SLIT3: variants seen among roughly 807,000 people sequenced by gnomAD.
The protein encoded by SLIT3 is slit homolog 3 protein.
A neutral mutation model predicts 184.0 loss-of-function variants in SLIT3; 68 were observed. That is an observed-to-expected ratio of 0.37 (90% confidence interval 0.30 to 0.45). The LOEUF (loss-of-function observed/expected upper bound fraction) is 0.45, where lower values mean the gene tolerates loss of function less well. Among genes scored for constraint, SLIT3 ranks in the 20% least tolerant of loss-of-function variants. The pLI is 1.00. For synonymous variants in SLIT3, 831 were observed against 828.6 expected (o/e 1.00, Z -0.05); for missense variants, 1,707 against 2,026.0 (o/e 0.84, Z 3.02).
intron 15 of SLIT3, among the ~76,000 whole-genome samples, chr5:168,761,941 G>C (rs1372761902): frequency 9.9e-6 from 1 of 101,490 alleles, no homozygotes; most frequent in Non-Finnish European, 2.1e-5. Flanking sequence ...TTTTTTTGTA[G>C]AGACTGGGGT....
intron 5 of SLIT3, among the ~76,000 whole-genome samples, chr5:168,852,734 T>C (rs1477118294): frequency 6.6e-6 from 1 of 152,230 alleles, no homozygotes; most frequent in African/African-American, 2.4e-5. Flanking sequence ...TGGCTACCTG[T>C]TTTTTTCTTA....
intron 4 of SLIT3, among the ~76,000 whole-genome samples, chr5:169,014,414 G>A (rs552994902): frequency 6.6e-6 from 1 of 152,176 alleles, no homozygotes; most frequent in African/African-American, 2.4e-5. Flanking sequence ...AAGTACTGGT[G>A]GGGGAGAGGA....
chr5:169,182,463 G>C (rs554600204), intron 4 of SLIT3, among the ~76,000 whole-genome samples: 1 of 152,202 alleles, frequency 6.6e-6, no homozygotes, highest in African/African-American at 2.4e-5. Flanking sequence ...AAGATACTGA[G>C]TCCATAGGAA....
chr5:168,965,553 G>A (rs1561578214), intron 4 of SLIT3, among the ~76,000 whole-genome samples: 1 of 152,174 alleles, frequency 6.6e-6, no homozygotes, highest in Non-Finnish European at 1.5e-5. Flanking sequence ...GAAAATATGA[G>A]TTCTGCCTAC....
At chr5:168,793,535 A>G (rs563000130) in intron 10 of SLIT3, among the ~76,000 whole-genome samples, 16 of 152,330 alleles carry the variant, frequency 1.1e-4, no homozygotes, top group African/African-American at 3.8e-4. Flanking sequence ...CAGTAGCATC[A>G]TAAGTGATCA....
chr5:168,664,546 T>C lies in SLIT3; in HGVS notation c.*1908A>G, dbSNP rs534570578. ...CTTCCTTCTTCCAGTTGCCTCGTTTTCCTCCATCTTCCTTTCTTTTCTTTC... is the reference window on the plus strand; with the variant it reads ...CTTCCTTCTTCCAGTTGCCTCGTTTCCCTCCATCTTCCTTTCTTTTCTTTC... On this transcript the variant is annotated 3_prime_UTR_variant, in exon 36 of 36. Transcript: ENST00000519560. 6.6e-6 allele frequency: 1 copy of C among 152,360 alleles called. No individual in the cohort carries two copies. Among genetic ancestry groups the C allele is most frequent in the Non-Finnish European group, 1.5e-5 (1 of 68,070 alleles). 9.4% of individuals were successfully genotyped at this position (152,360 alleles called of 1,614,324 possible). A position where few individuals can be genotyped will look rare whatever the true frequency, so the allele number is the denominator to read the frequency against.
At chr5:168,838,644 C>A (rs1758136709) in intron 6 of SLIT3, among the ~76,000 whole-genome samples, 1 of 152,146 alleles carries the variant, frequency 6.6e-6, no homozygotes, top group African/African-American at 2.4e-5. Context: ...TATCCTAACA[C>A]CCTGTACCAG....
intron 12 of SLIT3, among the ~76,000 whole-genome samples, chr5:168,776,724 G>A (rs1014381836): frequency 3.9e-5 from 6 of 152,158 alleles, no homozygotes; most frequent in African/African-American, 1.4e-4. Flanking sequence ...CATTTTGGGG[G>A]CATTTGAAGG....
At chr5:168,902,615 T>A (rs1233459140) in intron 4 of SLIT3, among the ~76,000 whole-genome samples, 1 of 152,174 alleles carries the variant, frequency 6.6e-6, no homozygotes, top group African/African-American at 2.4e-5. Context: ...TGGGAACTTG[T>A]TAGAAATGGG....
chr5:169,059,824 G>GT (rs1329765200), intron 4 of SLIT3, among the ~76,000 whole-genome samples: 4 of 152,222 alleles, frequency 2.6e-5, no homozygotes, highest in Non-Finnish European at 5.9e-5. Context: ...TGGTCTGAAT[G>GT]TTTGAGTTCC....
intron 4 of SLIT3, among the ~76,000 whole-genome samples, chr5:168,994,382 T>A (rs1282476346): frequency 6.6e-6 from 1 of 152,068 alleles, no homozygotes; most frequent in African/African-American, 2.4e-5. Context: ...ACATTTATTT[T>A]CCACACTTTT....
chr5:169,246,063 C>T lies in SLIT3; in HGVS notation c.270-1287G>A, dbSNP rs190238570. On this transcript the variant is annotated intron_variant, in intron 2 of 35. Coordinates refer to ENST00000519560, the MANE Select transcript of SLIT3 (RefSeq NM_003062.4). ...GACAGGTAACTGTTTCGTTTGGGCT[C>T]GATGATATTTTACATTTTTGTGAAT... Among the ~76,000 whole-genome samples the T allele has an allele frequency of 2.0e-5, 3 of 152,218 alleles. No homozygotes were observed. The East Asian group carries it at 5.8e-4, about 29-fold the overall frequency.
intron 4 of SLIT3, among the ~76,000 whole-genome samples, chr5:168,962,761 G>A (rs1011283573): frequency 3.0e-4 from 34 of 113,586 alleles, no homozygotes; most frequent in African/African-American, 1.4e-3. Context: ...AAAGGTGGGC[G>A]CAGTGGCTGC....
In SLIT3 at chr5:169,072,062, C is replaced by T. The variant is rs59538901; in HGVS notation, c.413+121417G>A. Among the ~76,000 whole-genome samples, 212 of 152,182 alleles carry T rather than the reference C, an allele frequency of 1.4e-3. 6 individuals carry two copies. In the East Asian group the frequency reaches 0.038, roughly 27 times the overall value. On this transcript the variant is annotated intron_variant, in intron 4 of 35. Transcript: ENST00000519560. ...AGCATCCTTTATGTATGAGAATGAC[C>T]ACATCCAGATTCCAAAACCAGTTAG...
intron 6 of SLIT3, among the ~76,000 whole-genome samples, chr5:168,843,699 C>T (rs1758348495): frequency 6.6e-6 from 1 of 152,212 alleles, no homozygotes; most frequent in African/African-American, 2.4e-5. Context: ...TTCTCCTGTG[C>T]TGTACTGCCT....
chr5:169,029,122 A>G (rs1356770264), intron 4 of SLIT3, among the ~76,000 whole-genome samples: 5 of 152,210 alleles, frequency 3.3e-5, no homozygotes, highest in African/African-American at 1.2e-4. Context: ...TGCATTTCCC[A>G]TGCAATAGCA....
intron 4 of SLIT3, among the ~76,000 whole-genome samples, chr5:169,051,605 T>C (rs1757817038): frequency 1.3e-5 from 2 of 152,224 alleles, no homozygotes; most frequent in Non-Finnish European, 2.9e-5. Flanking sequence ...TTAAGCCACT[T>C]TGGCTACCTA....
At chr5:168,688,705 CTTACATGTTCAACCAGTCTT>C (rs998412623) in intron 29 of SLIT3, among the ~76,000 whole-genome samples, 2 of 152,188 alleles carry the variant, frequency 1.3e-5, no homozygotes, top group African/African-American at 4.8e-5. Flanking sequence ...GAAGTACAAA[CTTACATGTTCAACCAGTCTT>C]TTAAGGAAAC....
Position 168,760,843 on chromosome 5 carries a change from G to A in SLIT3, c.1685+19C>T. On this transcript the variant is annotated intron_variant, in intron 16 of 35. Coordinates refer to ENST00000519560, the MANE Select transcript of SLIT3 (RefSeq NM_003062.4). ...GCTAGAGAACAGAGGCTGCTGCCAA[G>A]TTCCTGAAGTTGACTTACATTTTCC... is the stretch of plus-strand genomic sequence containing the variant. The A allele has an allele frequency of 6.3e-7, 1 of 1,598,486 alleles. No homozygotes were observed. The highest frequency in any genetic ancestry group is 8.6e-7 in the Non-Finnish European group (1 of 1,165,800).
Sources: gnomAD v4.1 joint callset for allele counts (sites outside exome capture counted in the v4.1 genomes callset) on GRCh38, gnomAD v4.1.1 for gene constraint, MANE v1.5 for transcripts, NCBI Gene and HGNC (gene_info 2026-07-23, HGNC 2026-07-21) for gene names.